Variants in SMAP1 observed in about 807,000 individuals in gnomAD.
SMAP1 encodes stromal membrane-associated protein 1.
A neutral mutation model predicts 58.5 loss-of-function variants in SMAP1; 24 were observed. The observed-to-expected ratio is 0.41, with a 90% CI of 0.30 to 0.58. The LOEUF is 0.58. SMAP1 is among the 20% of genes least tolerant of loss of function. The pLI, the probability that SMAP1 is intolerant of heterozygous loss-of-function variation, is 0.29. For missense variants in SMAP1, 563 were observed against 566.3 expected, an observed-to-expected ratio of 0.99 and a Z score of 0.06; for synonymous variants, 216 against 196.6, an observed-to-expected ratio of 1.10 and a Z score of -0.82.
At position 70,680,538 on chromosome 6, in the gene SMAP1, C is replaced by T. The variant is rs894486187; in HGVS notation, c.118+12397C>T. On this transcript the variant is annotated intron_variant, in intron 1 of 10. Transcript: ENST00000370455. ...TAATAGCCAAACACTGGAAACAATT[C>T]AAATGTTTTATCAGTTGACGAATGG... 7.2e-5 allele frequency among the ~76,000 whole-genome samples: 11 copies of T among 151,990 alleles called. No homozygotes were observed. The South Asian group carries it at 2.3e-3, about 31-fold the overall frequency.
chr6:70,695,874 G>C (rs1003134699), intron 1 of SMAP1, among the ~76,000 whole-genome samples: 1 of 152,160 alleles, frequency 6.6e-6, no homozygotes, highest in East Asian at 1.9e-4. Flanking sequence ...TTAAATGTTT[G>C]ATAGAATTCA....
At chr6:70,834,111 G>A (rs1770471235) in intron 6 of SMAP1, among the ~76,000 whole-genome samples, 1 of 152,126 alleles carries the variant, frequency 6.6e-6, no homozygotes, top group Non-Finnish European at 1.5e-5. Context: ...GAGGACCTCT[G>A]CATTGCTCAA....
intron 3 of SMAP1, among the ~76,000 whole-genome samples, chr6:70,761,044 T>C (rs1184818507): frequency 2.6e-5 from 4 of 152,094 alleles, no homozygotes; most frequent in African/African-American, 4.8e-5. Context: ...TTTCAAAGTT[T>C]TACTGCTGTC....
Position 70,860,636 on chromosome 6 carries a change from T to TA in SMAP1, c.*304dup. On this transcript the variant is annotated 3_prime_UTR_variant, in exon 11 of 11. Coordinates refer to ENST00000370455, the MANE Select transcript of SMAP1 (RefSeq NM_001044305.3). Reference sequence around the variant, plus strand: ...TTTCCTCTCAATAAAATTATAGCTCTAATGTTTGCATATAAGGGAAGTAGT... The same window carrying TA: ...TTTCCTCTCAATAAAATTATAGCTCTAAATGTTTGCATATAAGGGAAGTAGT... The TA allele has an allele frequency of 2.3e-6, 1 of 427,266 alleles. No homozygotes were observed. Among genetic ancestry groups the TA allele is most frequent in the Non-Finnish European group, 4.1e-6 (1 of 242,638 alleles). The allele number at this position is 427,266 out of a possible 1,614,324, so 26.5% of individuals were successfully genotyped here. A position where few individuals can be genotyped will look rare whatever the true frequency, so the allele number is the denominator to read the frequency against.
chr6:70,691,084 G>A (rs1767146188), intron 1 of SMAP1, among the ~76,000 whole-genome samples: 1 of 152,058 alleles, frequency 6.6e-6, no homozygotes, highest in Non-Finnish European at 1.5e-5. Context: ...AGGAGTTGGT[G>A]CACTTATAGC....
At chr6:70,708,426 T>C (rs965026979) in intron 1 of SMAP1, among the ~76,000 whole-genome samples, 1 of 152,202 alleles carries the variant, frequency 6.6e-6, no homozygotes, top group African/African-American at 2.4e-5. Context: ...AATGCTGCAA[T>C]GAACATGGGA....
At chr6:70,785,552 T>C (rs1460467566) in intron 4 of SMAP1, among the ~76,000 whole-genome samples, 3 of 152,100 alleles carry the variant, frequency 2.0e-5, no homozygotes, top group Non-Finnish European at 4.4e-5. Flanking sequence ...GATAGACCGC[T>C]AGCAGGACTA....
intron 6 of SMAP1, among the ~76,000 whole-genome samples, chr6:70,801,927 A>G (rs968205421): frequency 2.0e-5 from 3 of 152,142 alleles, no homozygotes; most frequent in African/African-American, 4.8e-5. Flanking sequence ...GCCTTGTAGT[A>G]TAGTTTGAAG....
intron 1 of SMAP1, among the ~76,000 whole-genome samples, chr6:70,683,130 C>G (rs1157149895): frequency 6.7e-6 from 1 of 148,776 alleles, no homozygotes; most frequent in East Asian, 2.0e-4. Flanking sequence ...AAATGTTATA[C>G]TATTTTGCAT....
At chr6:70,782,200 G>T (rs964047300) in intron 4 of SMAP1, among the ~76,000 whole-genome samples, 3 of 152,178 alleles carry the variant, frequency 2.0e-5, no homozygotes, top group Non-Finnish European at 4.4e-5. Flanking sequence ...ATTAATATCT[G>T]TTACAAAATA....
At chr6:70,682,931 G>A (rs767972814) in intron 1 of SMAP1, among the ~76,000 whole-genome samples, 64 of 151,942 alleles carry the variant, frequency 4.2e-4, no homozygotes, top group Non-Finnish European at 7.4e-4. Context: ...CCAGGTACTT[G>A]GGAGGCTGAG....
chr6:70,763,105 A>ACTTTTT (rs1766820418), intron 3 of SMAP1, among the ~76,000 whole-genome samples: 2 of 56,542 alleles, frequency 3.5e-5, no homozygotes, highest in African/African-American at 1.4e-4. Flanking sequence ...TACAGATATT[A>ACTTTTT]CTTTTTTTTT....
intron 4 of SMAP1, among the ~76,000 whole-genome samples, chr6:70,787,456 A>C (rs1445527256): frequency 6.6e-6 from 1 of 152,110 alleles, no homozygotes; most frequent in African/African-American, 2.4e-5. Flanking sequence ...AATGGGATCT[A>C]ATTAAACTAA....
At chr6:70,683,490 T>G (rs920482827) in intron 1 of SMAP1, among the ~76,000 whole-genome samples, 1 of 152,106 alleles carries the variant, frequency 6.6e-6, no homozygotes, top group Non-Finnish European at 1.5e-5. Flanking sequence ...AATGTGCTCA[T>G]TGGTCATTTC....
chr6:70,818,168 C>T (rs1026725587), intron 6 of SMAP1, among the ~76,000 whole-genome samples: 3 of 150,578 alleles, frequency 2.0e-5, no homozygotes, highest in African/African-American at 4.9e-5. Context: ...TTGAGGCGGG[C>T]GGATTACCTG....
chr6:70,805,314 C>T (rs1009028853), intron 6 of SMAP1, among the ~76,000 whole-genome samples: 4 of 152,156 alleles, frequency 2.6e-5, no homozygotes, highest in African/African-American at 9.7e-5. Context: ...CTTGTGCATG[C>T]GTCACAAAGT....
intron 7 of SMAP1, among the ~76,000 whole-genome samples, chr6:70,846,471 C>T (rs1477893480): frequency 6.6e-6 from 1 of 152,230 alleles, no homozygotes; most frequent in African/African-American, 2.4e-5. Context: ...GCCTGTTCAG[C>T]CTAAGAACAT....
intron 1 of SMAP1, among the ~76,000 whole-genome samples, chr6:70,697,132 T>G (rs1767436667): frequency 6.6e-6 from 1 of 152,214 alleles, no homozygotes; most frequent in South Asian, 2.1e-4. Context: ...AGGTGAAGTG[T>G]GTTTCTTGTA....
At chr6:70,756,101 T>C (rs1766478914) in intron 3 of SMAP1, among the ~76,000 whole-genome samples, 1 of 152,082 alleles carries the variant, frequency 6.6e-6, no homozygotes, top group Non-Finnish European at 1.5e-5. Flanking sequence ...GTAGGATTTT[T>C]ATAACTCATA....
Sources: gnomAD v4.1 joint callset for allele counts (sites outside exome capture counted in the v4.1 genomes callset) on GRCh38, gnomAD v4.1.1 for gene constraint, MANE v1.5 for transcripts, NCBI Gene and HGNC (gene_info 2026-07-23, HGNC 2026-07-21) for gene names.